MS4A14: variants seen among roughly 807,000 people sequenced by gnomAD.
MS4A14 encodes the protein membrane spanning 4-domains A14.
MS4A14 carries 18 observed loss-of-function variants against 16.7 expected under a neutral mutation model. That is an observed-to-expected ratio of 1.08 (90% CI 0.75 to 1.60). The LOEUF (loss-of-function observed/expected upper bound fraction) is 1.60. Ranked by LOEUF, MS4A14 falls within the 40% of genes most tolerant of loss-of-function variation. The probability of loss-of-function intolerance (pLI) is 0.00; values close to 1 mark genes in which losing one functional copy is unlikely to be tolerated. For synonymous variants in MS4A14, 305 were observed against 289.4 expected, an observed-to-expected ratio of 1.05 and a Z score of -0.55; for missense variants, 812 against 775.3, an observed-to-expected ratio of 1.05 and a Z score of -0.56.
At position 60,416,205 on chromosome 11, in the gene MS4A14, C is replaced by T; in HGVS notation, c.1237C>T (p.His413Tyr). The change falls in exon 5 of 5, where the codon CAT becomes TAT. Residue 413 changes from histidine to tyrosine, a missense_variant. By Grantham distance (83) the His-to-Tyr change is moderately conservative. Coordinates refer to ENST00000300187, the MANE Select transcript of MS4A14 (RefSeq NM_032597.5). ...QDMLSQALSA[H>Y]AILPEASTSH... ...TATGCTATCCCAAGCTCTATCAGCGCATGCCATATTACCTGAAGCCTCAAC... is the reference window on the plus strand; with the variant it reads ...TATGCTATCCCAAGCTCTATCAGCGTATGCCATATTACCTGAAGCCTCAAC... 6.2e-7 allele frequency: 1 copy of T among 1,613,872 alleles called. No homozygotes were observed. The highest frequency in any genetic ancestry group is 8.5e-7 in the Non-Finnish European group (1 of 1,179,934).
At chr11:60,397,700 C>T in intron 1 of MS4A14, 152 bp from the exon 2 acceptor site, 2 of 668,298 alleles carry the variant, frequency 3.0e-6, no homozygotes, top group Middle Eastern at 5.8e-4. Flanking sequence ...TGAACTGAGT[C>T]TCTTAACAAT....
Position 60,416,583 on chromosome 11 carries a change from G to T in MS4A14, c.1615G>T (p.Asp539Tyr). ...GAAATCCTTAGACCAGCAAATCAAAGACTGGCTATCCCCAAAGAGGCACTC... is the reference window on the plus strand; with the variant it reads ...GAAATCCTTAGACCAGCAAATCAAATACTGGCTATCCCCAAAGAGGCACTC... ...KQKSLDQQIK[D>Y]WLSPKRHSVD... The change falls in exon 5 of 5, where the codon GAC becomes TAC. Residue 539 changes from aspartate (D) to tyrosine (Y), a missense_variant. By Grantham distance (160) the Asp-to-Tyr change is radical. Coordinates refer to ENST00000300187, the MANE Select transcript of MS4A14 (RefSeq NM_032597.5). The T allele has an allele frequency of 6.2e-7, 1 of 1,613,852 alleles. No homozygotes were observed. The highest frequency in any genetic ancestry group is 8.5e-7 in the Non-Finnish European group (1 of 1,179,944).
Position 60,416,623 on chromosome 11 carries a change from C to G in MS4A14, c.1655C>G (p.Ala552Gly). ...AAGAGGCACTCCGTAGATAAGCAAG[C>G]TCAACTTAATCAAACTAAAGAGCAA... ...SPKRHSVDKQ[A>G]QLNQTKEQLP... Residue 552 changes from alanine to glycine, a missense_variant, in exon 5 of 5, where the codon GCT becomes GGT. By Grantham distance (60) the Ala-to-Gly change is moderately conservative. Coordinates refer to ENST00000300187, the MANE Select transcript of MS4A14 (RefSeq NM_032597.5). 6.2e-7 allele frequency: 1 copy of G among 1,613,866 alleles called. No individual in the cohort carries two copies. Among genetic ancestry groups the G allele is most frequent in the Non-Finnish European group, 8.5e-7 (1 of 1,179,952 alleles).
At chr11:60,403,314 G>A in intron 4 of MS4A14, 1 of 465,754 alleles carries the variant, frequency 2.1e-6, no homozygotes, top group South Asian at 2.2e-5. Flanking sequence ...TTCCTCAAGT[G>A]GAAAATGAAC....
chr11:60,397,753 A>C, intron 1 of MS4A14, 99 bp from the exon 2 acceptor site: 1 of 1,124,008 alleles, frequency 8.9e-7, no homozygotes, highest in Non-Finnish European at 1.3e-6. Flanking sequence ...ATTTGGATGG[A>C]GGGAAAGGTG....
intron 4 of MS4A14, among the ~76,000 whole-genome samples, chr11:60,412,910 T>C (rs1046946915): frequency 6.6e-6 from 1 of 151,976 alleles, no homozygotes; most frequent in Admixed American, 6.5e-5. Context: ...GTTGGAATTG[T>C]ACTGAGCCTA....
At chr11:60,401,277 C>T (rs1193162221) in intron 3 of MS4A14, among the ~76,000 whole-genome samples, 1 of 152,164 alleles carries the variant, frequency 6.6e-6, no homozygotes, top group African/African-American at 2.4e-5. Flanking sequence ...TTCTTATGGT[C>T]CTCTGCCAGT....
At position 60,415,552 on chromosome 11, in the gene MS4A14, C is replaced by A. The variant is rs749720472; in HGVS notation, c.584C>A (p.Thr195Lys). 1.2e-6 allele frequency: 2 copies of A among 1,613,758 alleles called. No individual in the cohort carries two copies. The highest frequency in any genetic ancestry group is 1.7e-5 in the Admixed American group (1 of 59,976). ...GAGTTTTCCAGTGATGATTCAACAA[C>A]AAATGCACAATCTGTTATCTTTGGA... ...QEEFSSDDST[T>K]NAQSVIFGGY... Residue 195 changes from threonine to lysine, a missense_variant, in exon 5 of 5, where the codon ACA becomes AAA. By Grantham distance (78) the Thr-to-Lys change is moderately conservative. Coordinates refer to ENST00000300187, the MANE Select transcript of MS4A14 (RefSeq NM_032597.5).
Position 60,415,690 on chromosome 11 carries a change from C to T in MS4A14, c.722C>T (p.Pro241Leu), listed in dbSNP as rs1220753965. 1.9e-6 allele frequency: 3 copies of T among 1,613,722 alleles called. No individual in the cohort carries two copies. Among genetic ancestry groups the T allele is most frequent in the African/African-American group, 2.7e-5 (2 of 74,878 alleles). Reference protein sequence around the residue: ...DEQKQSILPSPKFSEEEIEPL... With the variant: ...DEQKQSILPSLKFSEEEIEPL... ...CAAAAGCAAAGTATCCTTCCATCTC[C>T]CAAATTTTCAGAGGAAGAAATTGAA... Residue 241 changes from proline (P) to leucine (L), a missense_variant, in exon 5 of 5, where the codon CCC becomes CTC. Pro to Leu is a moderately conservative substitution (Grantham distance 98, BLOSUM62 -3). Transcript: ENST00000300187.
chr11:60,397,942 G>T lies in MS4A14; in HGVS notation c.229G>T (p.Val77Phe), dbSNP rs369576834. The T allele has an allele frequency of 9.9e-6, 16 of 1,613,424 alleles. No homozygotes were observed. Among genetic ancestry groups the T allele is most frequent in the Non-Finnish European group, 1.4e-5 (16 of 1,179,666 alleles). ...CGGTTTCTCCCAAAGACTTCCCCTT[G>T]TTGTCCTCACAGGATATCCATTCTG... ...YIGFSQRLPL[V>F]VLTGYPFWGA... is the part of the protein sequence containing the mutation. The change falls in exon 2 of 5, where the codon GTT (valine) becomes TTT (phenylalanine). Residue 77 changes from valine to phenylalanine, a missense_variant. Coordinates refer to ENST00000300187, the MANE Select transcript of MS4A14 (RefSeq NM_032597.5).
chr11:60,406,672 C>G (rs549229949), intron 4 of MS4A14, among the ~76,000 whole-genome samples: 20 of 152,278 alleles, frequency 1.3e-4, no homozygotes, highest in African/African-American at 4.8e-4. Context: ...CTCTCTAGCT[C>G]TCTCTTTTTT....
At chr11:60,399,963 C>T (rs903519484) in intron 2 of MS4A14, among the ~76,000 whole-genome samples, 3 of 152,084 alleles carry the variant, frequency 2.0e-5, no homozygotes, top group African/African-American at 7.2e-5. Flanking sequence ...CTAGGCTCTA[C>T]GATCATGGGA....
At chr11:60,412,667 A>C in intron 4 of MS4A14, among the ~76,000 whole-genome samples, 1 of 151,860 alleles carries the variant, frequency 6.6e-6, no homozygotes, top group South Asian at 2.1e-4. Flanking sequence ...TTGATCTTTT[A>C]AAAGAATCAA....
At chr11:60,407,497 A>T (rs1000663002) in intron 4 of MS4A14, among the ~76,000 whole-genome samples, 1 of 152,190 alleles carries the variant, frequency 6.6e-6, no homozygotes, top group African/African-American at 2.4e-5. Context: ...TTATAAGAAA[A>T]TACCAAACAG....
chr11:60,413,022 A>G (rs1463391382), intron 4 of MS4A14, among the ~76,000 whole-genome samples: 2 of 151,870 alleles, frequency 1.3e-5, no homozygotes, highest in African/African-American at 2.4e-5. Context: ...CATTTCTCTC[A>G]GCACTATTTT....
chr11:60,408,019 CT>C lies in MS4A14; in HGVS notation c.468+4962del, dbSNP rs533034325. Among the ~76,000 whole-genome samples the C allele has an allele frequency of 6.6e-5, 10 of 152,202 alleles. No homozygotes were observed. The East Asian group carries it at 1.9e-3, about 29-fold the overall frequency. ...TCCTACAGAAGTTTTATAATTTTAG[CT>C]TTTGTGTTTAGATGTATGGTCTATC... On this transcript the variant is annotated intron_variant, in intron 4 of 4. Coordinates refer to ENST00000300187, the MANE Select transcript of MS4A14 (RefSeq NM_032597.5).
rs760079964 is a variant in MS4A14 at position 60,415,474 on chromosome 11, G to C, written c.506G>C (p.Ser169Thr). The stretch of plus-strand genomic sequence containing the variant: ...TTGCCTTCGGATGTTACTCAAAATA[G>C]TGAACAACCTGCCCCAGAAGAAAAT... ...FFLPSDVTQN[S>T]EQPAPEENDQ... Residue 169 changes from serine (S) to threonine (T), a missense_variant, in exon 5 of 5, where the codon AGT (serine) becomes ACT (threonine). Physicochemically the swap from Ser to Thr is moderately conservative, Grantham distance 58. Transcript: ENST00000300187. 4.7e-5 allele frequency: 76 copies of C among 1,612,434 alleles called. No individual in the cohort carries two copies. In the Middle Eastern group the frequency reaches 6.6e-4, roughly 14 times the overall value.
At chr11:60,412,779 G>C (rs2085886149) in intron 4 of MS4A14, among the ~76,000 whole-genome samples, 1 of 151,868 alleles carries the variant, frequency 6.6e-6, no homozygotes, top group South Asian at 2.1e-4. Flanking sequence ...AAATCAGATA[G>C]TATAAATCTT....
chr11:60,397,870 G>C lies in MS4A14; in HGVS notation c.157G>C (p.Ala53Pro). The change falls in exon 2 of 5, where the codon GCT becomes CCT. Residue 53 changes from alanine to proline, a missense_variant. Transcript: ENST00000300187. Reference sequence around the variant, plus strand: ...CTCACAGGCTACCCAGATCCTGCTTGCTCTAATCATTGTGGGCTTTGGAAC... The same window carrying C: ...CTCACAGGCTACCCAGATCCTGCTTCCTCTAATCATTGTGGGCTTTGGAAC... ...RVLGATQILL[A>P]LIIVGFGTIF... is the part of the protein sequence containing the mutation. The C allele has an allele frequency of 6.4e-7, 1 of 1,557,366 alleles. No homozygotes were observed. Among genetic ancestry groups the C allele is most frequent in the Non-Finnish European group, 8.7e-7 (1 of 1,150,878 alleles).
Sources: gnomAD v4.1 joint callset for allele counts (sites outside exome capture counted in the v4.1 genomes callset) on GRCh38, gnomAD v4.1.1 for gene constraint, MANE v1.5 for transcripts, NCBI Gene and HGNC (gene_info 2026-07-23, HGNC 2026-07-21) for gene names.